The following TAF1 variants were observed in gnomAD, a reference collection of about 807,000 sequenced individuals.
The protein encoded by TAF1 is transcription initiation factor TFIID subunit 1.
Under a neutral mutation model 138.5 loss-of-function variants are expected in TAF1, and 2 were observed. That is an observed-to-expected ratio of 0.01 (90% confidence interval 0.01 to 0.05). The LOEUF is 0.05. Ranked by LOEUF, TAF1 falls within the 10% of genes least tolerant of loss-of-function variation. The pLI is 1.00. For missense variants in TAF1, 709 were observed against 1,478.0 expected, an observed-to-expected ratio of 0.48 and a Z score of 8.53; for synonymous variants, 437 against 503.2, an observed-to-expected ratio of 0.87 and a Z score of 1.76.
chrX:71,427,178 A>G (rs1332993308), intron 32 of TAF1, among the ~76,000 whole-genome samples: 1 of 112,161 alleles, frequency 8.9e-6, no homozygotes, highest in African/African-American at 3.2e-5. Flanking sequence ...AGTTCAGGGA[A>G]CTATACGTAA....
rs766572666 is a variant in TAF1, at chrX:71,407,310, C to T, written c.4108-264C>T. 3.8e-5 allele frequency among the ~76,000 whole-genome samples: 4 copies of T among 106,460 alleles called. No individual in the cohort carries two copies. The Admixed American group carries it at 4.1e-4, about 11-fold the overall frequency. 92.4% of individuals were successfully genotyped at this position (106,460 alleles called of 115,157 possible). A position where few individuals can be genotyped will look rare whatever the true frequency, so the allele number is the denominator to read the frequency against. Reference sequence around the variant, plus strand: ...TTGGCTCACTGCACCCTTTGCCTCCCAGGTTCAAGTGATCCTCCTACCTCA... The same window carrying T: ...TTGGCTCACTGCACCCTTTGCCTCCTAGGTTCAAGTGATCCTCCTACCTCA... On this transcript the variant is annotated intron_variant, in intron 26 of 37. Coordinates refer to ENST00000423759, the MANE Select transcript of TAF1 (RefSeq NM_004606.5).
intron 28 of TAF1, among the ~76,000 whole-genome samples, chrX:71,417,456 C>T (rs773372770): frequency 5.4e-5 from 6 of 110,577 alleles, no homozygotes; most frequent in South Asian, 3.8e-4. Context: ...TCCCTGGGCT[C>T]GATGATTCTC....
chrX:71,479,691 G>T (rs1420508504), intron 13 of TAF1, among the ~76,000 whole-genome samples: 1 of 111,986 alleles, frequency 8.9e-6, no homozygotes, highest in Non-Finnish European at 1.9e-5. Context: ...CTCTGGTAAT[G>T]TTCTGGTTTG....
At chrX:71,452,943 C>T (rs1043285499) in intron 32 of TAF1, among the ~76,000 whole-genome samples, 1 of 111,990 alleles carries the variant, frequency 8.9e-6, no homozygotes, top group Non-Finnish European at 1.9e-5. Context: ...CGCCTGCAAT[C>T]GCAGGCACTC....
chrX:71,371,967 G>T (rs1184445077), intron 3 of TAF1, among the ~76,000 whole-genome samples: 1 of 111,963 alleles, frequency 8.9e-6, no homozygotes, highest in African/African-American at 3.2e-5. Context: ...TGCTTTGCTA[G>T]TTTACAGTCT....
intron 1 of TAF1, among the ~76,000 whole-genome samples, chrX:71,367,278 G>A (rs931108136): frequency 3.6e-5 from 4 of 112,625 alleles, no homozygotes; most frequent in African/African-American, 1.3e-4. Context: ...ACTTTAAAGT[G>A]TGGGCGATGC....
At position 71,501,299 on chromosome X, in the gene TAF1, A is replaced by T. The variant is rs184686831; in HGVS notation, c.1367-27243A>T. 3.3e-3 allele frequency among the ~76,000 whole-genome samples: 363 copies of T among 108,654 alleles called. 1 individual carries two copies. Among genetic ancestry groups the T allele is most frequent in the African/African-American group, 0.011 (339 of 29,562 alleles). 94.4% of individuals were successfully genotyped at this position (108,654 alleles called of 115,157 possible). A position where few individuals can be genotyped will look rare whatever the true frequency, so the allele number is the denominator to read the frequency against. On this transcript the variant is annotated intron_variant and NMD_transcript_variant, in intron 13 of 14. Coordinates refer to the TAF1 transcript ENST00000373775. ...AATTCCAGATAGTGTCCCCCCACTG[A>T]CAGGGCTTTAGGCAAAAAATATGTC...
At chrX:71,459,198 A>G (rs1363382585) in intron 35 of TAF1, 12 of 1,091,210 alleles carry the variant, frequency 1.1e-5, no homozygotes, top group Non-Finnish European at 1.5e-5. Context: ...TGATGTAGAT[A>G]TTGAAGGGTA....
Position 71,367,552 on chromosome X carries a change from C to G in TAF1, c.174C>G (p.Ile58Met), listed in dbSNP as rs956052451. Residue 58 changes from isoleucine (I) to methionine (M), a missense_variant, in exon 2 of 38, where the codon ATC becomes ATG. Around this residue, in one of 14 missense-constraint regions of TAF1, gnomAD observed 123 missense variants for 161.6 expected, o/e 0.76. Coordinates refer to ENST00000423759, the MANE Select transcript of TAF1 (RefSeq NM_004606.5). The part of the protein sequence containing the change: ...GLGALGLGSL[I>M]TELTANEELT... ...GGGCTTTGGGGCTGGGCAGCCTGAT[C>G]ACTGAACTCACGGCAAATGAAGAAT... 8.3e-7 allele frequency: 1 copy of G among 1,211,722 alleles called. No homozygotes were observed. The highest frequency in any genetic ancestry group is 1.1e-6 in the Non-Finnish European group (1 of 895,534).
chrX:71,458,382 T>G lies in TAF1; in HGVS notation c.5064+16T>G. ...GGTAACACAGGTAGGATGTTCTTTTTCTCTTTATAAGATTGTTATTGTGCC... is the reference window on the plus strand; with the variant it reads ...GGTAACACAGGTAGGATGTTCTTTTGCTCTTTATAAGATTGTTATTGTGCC... On this transcript the variant is annotated intron_variant, in intron 35 of 37. Coordinates refer to ENST00000423759, the MANE Select transcript of TAF1 (RefSeq NM_004606.5). 1 of 1,208,239 alleles carries G rather than the reference T, an allele frequency of 8.3e-7. No homozygotes were observed. Among genetic ancestry groups the G allele is most frequent in the East Asian group, 3.0e-5 (1 of 33,717 alleles).
chrX:71,450,592 C>T (rs2037913071), intron 32 of TAF1, among the ~76,000 whole-genome samples: 1 of 112,055 alleles, frequency 8.9e-6, no homozygotes, highest in Non-Finnish European at 1.9e-5. Flanking sequence ...AATTCCTCTT[C>T]CCCTCTTACC....
At chrX:71,371,866 G>T (rs1044498891) in intron 3 of TAF1, among the ~76,000 whole-genome samples, 1 of 111,896 alleles carries the variant, frequency 8.9e-6, no homozygotes, top group Non-Finnish European at 1.9e-5. Flanking sequence ...ACTTTTGTGA[G>T]AATTGAAGTT....
chrX:71,472,947 C>T (rs1181072724), intron 13 of TAF1, among the ~76,000 whole-genome samples: 1 of 111,789 alleles, frequency 8.9e-6, no homozygotes. Flanking sequence ...ATTTGTTTAT[C>T]TTGCCAGAAG....
intron 17 of TAF1, among the ~76,000 whole-genome samples, chrX:71,389,187 T>C (rs769156288): frequency 8.9e-6 from 1 of 111,811 alleles, no homozygotes; most frequent in East Asian, 2.8e-4. Context: ...GCAGGGAAAG[T>C]ACTTGTCAGC....
At position 71,502,852 on chromosome X, in the gene TAF1, C is replaced by T. The variant is rs181475559; in HGVS notation, c.1367-25690C>T. Among the ~76,000 whole-genome samples the T allele has an allele frequency of 4.0e-3, 441 of 110,442 alleles. 3 individuals carry two copies. Among genetic ancestry groups the T allele is most frequent in the Non-Finnish European group, 6.6e-3 (348 of 52,775 alleles). ...ACCTGGGAGGCTGAGGCAGGAGAAT[C>T]GCTTGAACCCAGAAGGCAGAGGTTG... On this transcript the variant is annotated intron_variant and NMD_transcript_variant, in intron 13 of 14. Transcript: ENST00000373775.
intron 32 of TAF1, among the ~76,000 whole-genome samples, chrX:71,431,003 ATTTTTTTTTTTT>A (rs41481947): frequency 1.0e-4 from 7 of 68,595 alleles, no homozygotes; most frequent in Admixed American, 1.9e-4. Flanking sequence ...GCTCAGAAGA[ATTTTTTTTTTTT>A]TTTTTTTTTT....
downstream of TAF1, chrX:71,466,399 A>G (rs1161361287): frequency 9.1e-6 from 1 of 110,427 alleles, no homozygotes; most frequent in Non-Finnish European, 1.9e-5. Flanking sequence ...GGCACGCATC[A>G]CCACACCGGG....
At chrX:71,393,929 G>C in intron 21 of TAF1, 138 bp from the exon 22 acceptor site, 1 of 645,104 alleles carries the variant, frequency 1.6e-6, no homozygotes, top group Non-Finnish European at 2.2e-6. Flanking sequence ...GGAAAACTTT[G>C]TAAAGCTTTT....
chrX:71,504,268 C>T (rs2039575729), intron 13 of TAF1, among the ~76,000 whole-genome samples: 1 of 109,808 alleles, frequency 9.1e-6, no homozygotes, highest in South Asian at 3.9e-4. Context: ...TCTACTTGTT[C>T]TGTTTCTCTG....
Sources: gnomAD v4.1 joint callset for allele counts (sites outside exome capture counted in the v4.1 genomes callset) on GRCh38, gnomAD v4.1.1 for gene constraint, gnomAD v4.1.1 regional missense constraint, MANE v1.5 for transcripts, NCBI Gene and HGNC (gene_info 2026-07-23, HGNC 2026-07-21) for gene names.